The following TJP2 variants were observed in gnomAD, a reference collection of about 807,000 sequenced individuals.
The protein encoded by TJP2 is Friedreich ataxia region gene X104 (tight junction protein ZO-2).
TJP2 carries 91 observed loss-of-function variants against 133.1 expected under a neutral mutation model. The observed-to-expected ratio is 0.68, with a 90% CI of 0.58 to 0.81. The LOEUF is 0.81. Among genes scored for constraint, TJP2 ranks in the 40% least tolerant of loss-of-function variants. TJP2 has a pLI of 0.00. For missense variants in TJP2, 1,541 were observed against 1,565.6 expected (o/e 0.98, Z 0.26); for synonymous variants, 592 against 583.4 (o/e 1.01, Z -0.21).
chr9:69,135,960 C>G (rs1362383980), intron 1 of TJP2, among the ~76,000 whole-genome samples: 1 of 152,036 alleles, frequency 6.6e-6, no homozygotes, highest in Non-Finnish European at 1.5e-5. Flanking sequence ...GAAGTAAACT[C>G]TAATATTATT....
chr9:69,134,520 AG>A (rs1216049995), intron 1 of TJP2, among the ~76,000 whole-genome samples: 2 of 152,112 alleles, frequency 1.3e-5, no homozygotes, highest in Non-Finnish European at 2.9e-5. Flanking sequence ...GAGAGCTAGG[AG>A]GCGGATAGTG....
rs756808587 is a variant in TJP2 at position 69,218,320 on chromosome 9, A to G, written c.303A>G (p.Ala101=). Residue 101 remains alanine (A), a synonymous_variant, in exon 4 of 23, where the codon GCA becomes GCG. Coordinates refer to ENST00000377245, the MANE Select transcript of TJP2 (RefSeq NM_004817.4). The part of the protein sequence containing the change: ...TPMEDVLHSF[A]VQQLRKSGKV... ...TGGAGGATGTGCTTCATTCGTTTGC[A>G]GTTCAGCAGCTCAGAAAAAGTGGGA... 37 of 1,614,228 alleles carry G rather than the reference A, an allele frequency of 2.3e-5. No individual in the cohort carries two copies. Among genetic ancestry groups the G allele is most frequent in the Non-Finnish European group, 3.1e-5 (37 of 1,180,046 alleles).
At position 69,174,400 on chromosome 9, in the gene TJP2, C is replaced by G; in HGVS notation, c.28C>G (p.Pro10Ala). MPVRGDRGF[P>A]PRRELSGWLR... The stretch of plus-strand genomic sequence containing the variant: ...GCCGGTGCGAGGAGACCGCGGGTTT[C>G]CACCCCGGCGGGAGCTGTCAGGTTG... The change falls in exon 1 of 23, where the codon CCA becomes GCA. Residue 10 changes from proline (P) to alanine (A), a missense_variant. Coordinates refer to ENST00000377245, the MANE Select transcript of TJP2 (RefSeq NM_004817.4). 3 of 1,551,904 alleles carry G rather than the reference C, an allele frequency of 1.9e-6. No individual in the cohort carries two copies. Among genetic ancestry groups the G allele is most frequent in the Non-Finnish European group, 2.6e-6 (3 of 1,147,164 alleles).
At chr9:69,249,047 T>G in intron 19 of TJP2, 1 of 1,019,838 alleles carries the variant, frequency 9.8e-7, no homozygotes, top group Non-Finnish European at 1.2e-6. Context: ...CAGCAACAAA[T>G]TAGTTTATGC....
intron 1 of TJP2, among the ~76,000 whole-genome samples, chr9:69,179,457 G>C (rs547900683): frequency 2.0e-5 from 3 of 151,904 alleles, no homozygotes; most frequent in African/African-American, 7.2e-5. Context: ...TTACTGTATG[G>C]GGGTGCAGTA....
chr9:69,209,506 C>T (rs1050678128), intron 1 of TJP2, among the ~76,000 whole-genome samples: 6 of 151,770 alleles, frequency 4.0e-5, no homozygotes, highest in South Asian at 2.1e-4. Context: ...GTAATCCCAG[C>T]GCTTTGGGAG....
intron 1 of TJP2, among the ~76,000 whole-genome samples, chr9:69,179,531 C>T (rs1483236891): frequency 7.3e-6 from 1 of 136,192 alleles, no homozygotes; most frequent in African/African-American, 2.9e-5. Context: ...TTTTTTGAGA[C>T]GGAGTCTCCC....
At chr9:69,214,986 A>T (rs1206566057) in intron 2 of TJP2, among the ~76,000 whole-genome samples, 1 of 152,216 alleles carries the variant, frequency 6.6e-6, no homozygotes, top group Admixed American at 6.5e-5. Flanking sequence ...TTAGGCAGAC[A>T]TAAGAAAGAA....
upstream of TJP2, chr9:69,174,261 G>T (rs545795999): frequency 3.9e-5 from 60 of 1,526,864 alleles, no homozygotes; most frequent in African/African-American, 2.5e-4. Flanking sequence ...GCACCCCGGC[G>T]GTTGGGCTGC....
At chr9:69,221,545 C>G (rs1379233527) in intron 5 of TJP2, 49 bp downstream of exon 5, 1 of 1,567,788 alleles carries the variant, frequency 6.4e-7, no homozygotes, top group East Asian at 2.3e-5. Context: ...ATATGAATAA[C>G]CTTTGTTTTC....
At chr9:69,175,499 A>C (rs556406704) in intron 1 of TJP2, among the ~76,000 whole-genome samples, 2 of 152,364 alleles carry the variant, frequency 1.3e-5, no homozygotes, top group South Asian at 2.1e-4. Context: ...GATCGCTTGA[A>C]GTGAGAAATT....
At chr9:69,188,360 CATT>C (rs1172508725) in intron 1 of TJP2, among the ~76,000 whole-genome samples, 1 of 151,896 alleles carries the variant, frequency 6.6e-6, no homozygotes, top group Non-Finnish European at 1.5e-5. Flanking sequence ...GGCTCAGAAA[CATT>C]AAGTAAATTG....
In TJP2 at chr9:69,225,415, G is replaced by T. The variant is rs779964139; in HGVS notation, c.1056+8G>T. On this transcript the variant is annotated splice_region_variant and intron_variant, in intron 6 of 22. Transcript: ENST00000377245. ...GGAGACATAATTCTCAAGGTGGGTAGATGGGGGCAGAGAACGGTAGTGTGC... is the reference window on the plus strand; with the variant it reads ...GGAGACATAATTCTCAAGGTGGGTATATGGGGGCAGAGAACGGTAGTGTGC... The T allele has an allele frequency of 6.3e-7, 1 of 1,588,402 alleles. No individual in the cohort carries two copies. The highest frequency in any genetic ancestry group is 2.2e-5 in the East Asian group (1 of 44,748).
intron 2 of TJP2, among the ~76,000 whole-genome samples, chr9:69,160,988 G>A (rs1465909688): frequency 6.6e-6 from 1 of 152,124 alleles, no homozygotes; most frequent in African/African-American, 2.4e-5. Context: ...CATATCAGAT[G>A]GAGACTAACA....
At chr9:69,121,467 C>T (rs969015101), upstream of TJP2, 2 of 506,116 alleles carry the variant, frequency 4.0e-6, no homozygotes, top group East Asian at 1.5e-4. Flanking sequence ...TTCCCCTTCT[C>T]TCAAACCTCT....
intron 1 of TJP2, among the ~76,000 whole-genome samples, chr9:69,139,143 G>C (rs1339648024): frequency 1.3e-5 from 2 of 151,916 alleles, no homozygotes; most frequent in Admixed American, 1.3e-4. Context: ...CTTGAACCCT[G>C]GAGGCGGAGG....
At position 69,251,102 on chromosome 9, in the gene TJP2, C is replaced by G. The variant is rs1204217682; in HGVS notation, c.3059C>G (p.Ser1020Cys). 6.2e-7 allele frequency: 1 copy of G among 1,614,104 alleles called. No homozygotes were observed. Among genetic ancestry groups the G allele is most frequent in the Admixed American group, 1.7e-5 (1 of 60,008 alleles). ...SKSYEYKSNP[S>C]AVAGNETPGA... ...TCCTATGAATATAAGTCAAACCCCT[C>G]TGCCGTTGCTGGTAATGAAACTCCT... Residue 1020 changes from serine (S) to cysteine (C), a missense_variant, in exon 21 of 23, where the codon TCT becomes TGT. Physicochemically the swap from Ser to Cys is moderately radical, Grantham distance 112 (BLOSUM62 -1). Coordinates refer to ENST00000377245, the MANE Select transcript of TJP2 (RefSeq NM_004817.4).
At chr9:69,180,853 A>T (rs1053762742) in intron 1 of TJP2, among the ~76,000 whole-genome samples, 1 of 152,296 alleles carries the variant, frequency 6.6e-6, no homozygotes, top group African/African-American at 2.4e-5. Context: ...ATTGGTGAGG[A>T]TGCACATGCT....
At chr9:69,230,578 C>T (rs1482051599) in intron 11 of TJP2, among the ~76,000 whole-genome samples, 3 of 152,162 alleles carry the variant, frequency 2.0e-5, no homozygotes, top group African/African-American at 7.2e-5. Context: ...CTGTGTTCCC[C>T]CTGCCTGCCA....
Sources: gnomAD v4.1 joint callset for allele counts (sites outside exome capture counted in the v4.1 genomes callset) on GRCh38, gnomAD v4.1.1 for gene constraint, MANE v1.5 for transcripts, NCBI Gene and HGNC (gene_info 2026-07-23, HGNC 2026-07-21) for gene names.